KIRREL1: variants seen among roughly 807,000 people sequenced by gnomAD.
The protein encoded by KIRREL1 is kin of IRRE-like protein 1.
In KIRREL1, 25 loss-of-function variants were observed where a neutral mutation model predicts 83.3. The observed-to-expected ratio is 0.30, with a 90% confidence interval of 0.22 to 0.42. The LOEUF is 0.42. Ranked by LOEUF, KIRREL1 falls within the 10% of genes least tolerant of loss-of-function variation. The probability of loss-of-function intolerance (pLI) is 1.00; values close to 1 mark genes in which losing one functional copy is unlikely to be tolerated. For missense variants in KIRREL1, 812 were observed against 1,032.3 expected (o/e 0.79, Z 2.92); for synonymous variants, 388 against 410.4 (o/e 0.95, Z 0.66).
At chr1:158,054,769 A>G (rs1315422990) in intron 1 of KIRREL1, among the ~76,000 whole-genome samples, 1 of 151,932 alleles carries the variant, frequency 6.6e-6, no homozygotes, top group African/African-American at 2.4e-5. Flanking sequence ...AATTCCTCAT[A>G]TTCTATCTCC....
intron 3 of KIRREL1, among the ~76,000 whole-genome samples, chr1:158,081,615 A>C (rs1408102563): frequency 6.6e-6 from 1 of 152,218 alleles, no homozygotes; most frequent in Non-Finnish European, 1.5e-5. Context: ...CACAAACCAT[A>C]AAAACTTGCT....
Position 158,096,194 on chromosome 1 carries a change from T to G in KIRREL1, c.*1074T>G, listed in dbSNP as rs1328054926. On this transcript the variant is annotated 3_prime_UTR_variant, in exon 15 of 15. Transcript: ENST00000359209. ...AACACCCTCCATTACTCTTTCAGTCTCCAAGCACTTTGAATCCATTTTTAA... is the reference window on the plus strand; with the variant it reads ...AACACCCTCCATTACTCTTTCAGTCGCCAAGCACTTTGAATCCATTTTTAA... 1 of 215,866 alleles carries G rather than the reference T, an allele frequency of 4.6e-6. No individual in the cohort carries two copies. The highest frequency in any genetic ancestry group is 9.4e-6 in the Non-Finnish European group (1 of 106,690). The allele number at this position is 215,866 out of a possible 1,614,324, so 13.4% of individuals were successfully genotyped here. A position where few individuals can be genotyped will look rare whatever the true frequency, so the allele number is the denominator to read the frequency against.
At chr1:158,043,667 G>A (rs1660701373) in intron 1 of KIRREL1, among the ~76,000 whole-genome samples, 3 of 152,192 alleles carry the variant, frequency 2.0e-5, no homozygotes, top group African/African-American at 7.2e-5. Flanking sequence ...AGTTCTAGGG[G>A]CTGTGGAGAA....
chr1:158,096,415 G>T lies in KIRREL1; in HGVS notation c.*1295G>T. ...AATCAGATTCCTTCTTCCACTTTCA[G>T]TGCCTTGAGTGTCAAGCTTTGGATG... On this transcript the variant is annotated 3_prime_UTR_variant, in exon 15 of 15. Coordinates refer to ENST00000359209, the MANE Select transcript of KIRREL1 (RefSeq NM_018240.7). 2.9e-6 allele frequency: 1 copy of T among 349,890 alleles called. No individual in the cohort carries two copies. 21.7% of individuals were successfully genotyped at this position (349,890 alleles called of 1,614,324 possible).
intron 1 of KIRREL1, among the ~76,000 whole-genome samples, chr1:158,059,293 G>T (rs2101603075): frequency 6.6e-6 from 1 of 152,158 alleles, no homozygotes; most frequent in East Asian, 1.9e-4. Context: ...TTTTTCCGGA[G>T]CCTCACAGCC....
At chr1:158,048,338 TA>T (rs1660827462) in intron 1 of KIRREL1, among the ~76,000 whole-genome samples, 1 of 152,232 alleles carries the variant, frequency 6.6e-6, no homozygotes, top group Non-Finnish European at 1.5e-5. Context: ...CACAGAGCAC[TA>T]AAGCAGGTTG....
Position 158,091,431 on chromosome 1 carries a change from G to T in KIRREL1, c.1346G>T (p.Gly449Val). Residue 449 changes from glycine to valine, a missense_variant, in exon 11 of 15, where the codon GGC becomes GTC. Gly to Val is a moderately radical substitution (Grantham distance 109, BLOSUM62 -3). This residue lies in a region of KIRREL1 where 472 missense variants were observed against 626.8 expected (regional missense o/e 0.75). Coordinates refer to ENST00000359209, the MANE Select transcript of KIRREL1 (RefSeq NM_018240.7). Reference protein sequence around the residue: ...ERYTVERTNSGSGVLSTLTIN... With the variant: ...ERYTVERTNSVSGVLSTLTIN... ...TATACAGTGGAGAGGACCAACTCAGGCAGTGGGGTGCTATCCACGCTCACC... is the reference window on the plus strand; with the variant it reads ...TATACAGTGGAGAGGACCAACTCAGTCAGTGGGGTGCTATCCACGCTCACC... The T allele has an allele frequency of 6.2e-7, 1 of 1,614,166 alleles. No homozygotes were observed. Among genetic ancestry groups the T allele is most frequent in the Non-Finnish European group, 8.5e-7 (1 of 1,179,998 alleles).
intron 1 of KIRREL1, among the ~76,000 whole-genome samples, chr1:158,069,302 T>TGTGTGTG (rs1661441927): frequency 1.4e-5 from 2 of 143,292 alleles, no homozygotes; most frequent in South Asian, 4.7e-4. Context: ...TATGACGTAC[T>TGTGTGTG]TGTGTGTGTG....
intron 10 of KIRREL1, 85 bp downstream of exon 10, chr1:158,089,903 C>A: frequency 2.6e-6 from 3 of 1,136,984 alleles, no homozygotes; most frequent in Non-Finnish European, 3.9e-6. Flanking sequence ...GCTGGTTTTG[C>A]TCCTTCAACT....
intron 1 of KIRREL1, among the ~76,000 whole-genome samples, chr1:158,016,538 C>A (rs1474992465): frequency 6.6e-6 from 1 of 151,928 alleles, no homozygotes; most frequent in Non-Finnish European, 1.5e-5. Flanking sequence ...TTTTTTTAAT[C>A]TTTTCTTTTT....
Position 158,020,739 on chromosome 1 carries a change from C to T in KIRREL1, c.52+27011C>T, listed in dbSNP as rs77168594. Among the ~76,000 whole-genome samples the T allele has an allele frequency of 4.3e-3, 652 of 152,018 alleles. 4 individuals are homozygous for T. Among genetic ancestry groups the T allele is most frequent in the African/African-American group, 0.014 (596 of 41,502 alleles). On this transcript the variant is annotated intron_variant, in intron 1 of 14. Transcript: ENST00000359209. ...TCCAGCTCAGCTCCTGGTACTATCA[C>T]GTAATATGTGCTCAGAGAATGCAAA...
intron 1 of KIRREL1, among the ~76,000 whole-genome samples, chr1:158,031,337 G>A (rs12040466): frequency 6.7e-5 from 10 of 150,042 alleles, no homozygotes; most frequent in African/African-American, 2.2e-4. Context: ...ACACACACAC[G>A]CGCGTGCACA....
intron 1 of KIRREL1, among the ~76,000 whole-genome samples, chr1:158,014,449 G>A (rs1659769835): frequency 6.6e-6 from 1 of 152,080 alleles, no homozygotes; most frequent in South Asian, 2.1e-4. Context: ...CATTGTCCGG[G>A]ACTCTGCCTG....
intron 1 of KIRREL1, among the ~76,000 whole-genome samples, chr1:158,041,461 A>G (rs573484168): frequency 1.2e-4 from 18 of 152,226 alleles, no homozygotes; most frequent in African/African-American, 3.4e-4. Context: ...GGATTAAGGG[A>G]GAGGAAGGGA....
At chr1:158,083,138 C>A (rs902727479) in intron 3 of KIRREL1, among the ~76,000 whole-genome samples, 1 of 152,138 alleles carries the variant, frequency 6.6e-6, no homozygotes, top group Non-Finnish European at 1.5e-5. Context: ...GAGGGAGAGC[C>A]CCCCTTGTTT....
chr1:158,076,741 T>C (rs769323651), intron 2 of KIRREL1, among the ~76,000 whole-genome samples: 24 of 152,384 alleles, frequency 1.6e-4, no homozygotes, highest in Middle Eastern at 3.4e-3. Context: ...AAACTCATTT[T>C]AATATCAGCC....
At chr1:158,031,367 G>A (rs1660322575) in intron 1 of KIRREL1, among the ~76,000 whole-genome samples, 1 of 151,872 alleles carries the variant, frequency 6.6e-6, no homozygotes, top group Non-Finnish European at 1.5e-5. Context: ...GCACACACAC[G>A]CACTGCCATG....
intron 1 of KIRREL1, among the ~76,000 whole-genome samples, chr1:158,020,385 A>G (rs1659970595): frequency 6.6e-6 from 1 of 151,942 alleles, no homozygotes; most frequent in African/African-American, 2.4e-5. Context: ...ACTCCCCCCA[A>G]AGAATGAACT....
intron 1 of KIRREL1, among the ~76,000 whole-genome samples, chr1:158,005,643 T>G (rs548567098): frequency 1.3e-5 from 2 of 152,232 alleles, no homozygotes; most frequent in South Asian, 4.1e-4. Flanking sequence ...GCCTTGACCC[T>G]GTTGGCTTTG....
Sources: gnomAD v4.1 joint callset for allele counts (sites outside exome capture counted in the v4.1 genomes callset) on GRCh38, gnomAD v4.1.1 for gene constraint, gnomAD v4.1.1 regional missense constraint, MANE v1.5 for transcripts, NCBI Gene and HGNC (gene_info 2026-07-23, HGNC 2026-07-21) for gene names.